The following TRNT1 variants were observed in gnomAD, a reference collection of about 807,000 sequenced individuals.
The protein encoded by TRNT1 is CCA tRNA nucleotidyltransferase 1, mitochondrial.
TRNT1 carries 44 observed loss-of-function variants against 45.6 expected under a neutral mutation model. The observed-to-expected ratio is 0.97, with a 90% CI of 0.76 to 1.24. The LOEUF is 1.24. Ranked by LOEUF, TRNT1 falls within the 50% of genes most tolerant of loss-of-function variation. The pLI, the probability that TRNT1 is intolerant of heterozygous loss-of-function variation, is 0.00. For missense variants in TRNT1, 633 were observed against 504.4 expected, an observed-to-expected ratio of 1.25 and a Z score of -2.44; for synonymous variants, 201 against 171.4, an observed-to-expected ratio of 1.17 and a Z score of -1.35.
At chr3:3,149,605 A>C (rs1168243299), downstream of TRNT1, 2 of 152,136 alleles carry the variant, frequency 1.3e-5, no homozygotes, top group African/African-American at 4.8e-5. Flanking sequence ...CAGTGTAAGA[A>C]CTATAGGAAC....
At chr3:3,129,379 C>T (rs1704854151) in intron 2 of TRNT1, 191 bp downstream of exon 2, 1 of 547,418 alleles carries the variant, frequency 1.8e-6, no homozygotes, top group African/African-American at 1.9e-5. Context: ...CTTGGCCTCC[C>T]AAAATGCTGG....
intron 4 of TRNT1, among the ~76,000 whole-genome samples, chr3:3,141,725 C>T (rs770308792): frequency 3.3e-5 from 5 of 152,156 alleles, no homozygotes; most frequent in Admixed American, 3.3e-4. Flanking sequence ...ATCCACTGTT[C>T]ATAACCTAGT....
chr3:3,153,114 G>T, downstream of TRNT1: 1 of 330,010 alleles, frequency 3.0e-6, no homozygotes, highest in Non-Finnish European at 5.7e-6. Flanking sequence ...AATTTCTGAA[G>T]CATCTATGTT....
downstream of TRNT1, chr3:3,153,269 G>A (rs1706713007): frequency 5.1e-6 from 3 of 588,728 alleles, no homozygotes; most frequent in Admixed American, 2.9e-5. Flanking sequence ...CAATCTGGAA[G>A]ATGGTCTTAG....
At chr3:3,133,879 G>A (rs572258903) in intron 2 of TRNT1, among the ~76,000 whole-genome samples, 1 of 152,040 alleles carries the variant, frequency 6.6e-6, no homozygotes, top group African/African-American at 2.4e-5. Flanking sequence ...CCCCACCCCA[G>A]CCTCCAGTCG....
At chr3:3,147,416 T>TAAAACAGGTGA (rs780758268) in intron 6 of TRNT1, 34 bp from the exon 7 acceptor site, 5 of 1,605,204 alleles carry the variant, frequency 3.1e-6, no homozygotes, top group Non-Finnish European at 3.4e-6. Flanking sequence ...TTATCCCCAC[T>TAAAACAGGTGA]AAAAACAGGT....
intron 2 of TRNT1, chr3:3,129,536 A>C: frequency 7.2e-6 from 3 of 414,396 alleles, no homozygotes; most frequent in Non-Finnish European, 1.3e-5. Flanking sequence ...GCAGTGAGCT[A>C]TGATCATGCC....
In TRNT1 at chr3:3,146,762, G is replaced by T. The variant is rs146598108; in HGVS notation, c.802+139G>T. ...TATTTTAAAATAAGACAAAGTTTGG[G>T]TTATGGGGTAAGTTTTGTCGTGAGT... On this transcript the variant is annotated intron_variant, in intron 6 of 7. Transcript: ENST00000251607. 0.012 allele frequency: 9,684 copies of T among 824,222 alleles called. 148 individuals carry two copies. Among genetic ancestry groups the T allele is most frequent in the South Asian group, 0.024 (1,229 of 51,980 alleles). The allele number at this position is 824,222 out of a possible 1,614,324, so 51.1% of individuals were successfully genotyped here.
At chr3:3,137,932 C>T (rs531220473) in intron 3 of TRNT1, among the ~76,000 whole-genome samples, 1 of 152,116 alleles carries the variant, frequency 6.6e-6, no homozygotes, top group Non-Finnish European at 1.5e-5. Flanking sequence ...TTTAAATTTT[C>T]CTGCAGTTAA....
At chr3:3,129,400 G>A in intron 2 of TRNT1, 1 of 499,958 alleles carries the variant, frequency 2.0e-6, no homozygotes, top group Non-Finnish European at 3.6e-6. Flanking sequence ...GATTACAGGT[G>A]TGAGCCACGG....
At chr3:3,136,259 C>T (rs1559219564) in intron 2 of TRNT1, among the ~76,000 whole-genome samples, 1 of 152,124 alleles carries the variant, frequency 6.6e-6, no homozygotes, top group Non-Finnish European at 1.5e-5. Context: ...CCACAGACCC[C>T]AGGGCCTAAT....
downstream of TRNT1, chr3:3,149,596 A>C (rs1706336095): frequency 6.6e-6 from 1 of 152,154 alleles, no homozygotes; most frequent in South Asian, 2.1e-4. Context: ...GTTTTAGTGC[A>C]GTGTAAGAAC....
At chr3:3,151,185 C>T (rs567918415), downstream of TRNT1, 309 of 857,458 alleles carry the variant, frequency 3.6e-4, no homozygotes, top group Non-Finnish European at 5.3e-4. Context: ...CCATACAGTT[C>T]CCTGAAACCT....
chr3:3,135,168 T>C (rs1402984606), intron 2 of TRNT1, among the ~76,000 whole-genome samples: 1 of 152,136 alleles, frequency 6.6e-6, no homozygotes, highest in Non-Finnish European at 1.5e-5. Context: ...GGCTAAGAAG[T>C]GTGACAGCCA....
chr3:3,147,027 T>C (rs1706079702), intron 6 of TRNT1, among the ~76,000 whole-genome samples: 1 of 152,214 alleles, frequency 6.6e-6, no homozygotes, highest in African/African-American at 2.4e-5. Flanking sequence ...TCAGTAAACG[T>C]TGTAATTCAT....
At position 3,145,883 on chromosome 3, in the gene TRNT1, G is replaced by A. The variant is rs1705979359; in HGVS notation, c.609-547G>A. Among the ~76,000 whole-genome samples, 3 of 151,770 alleles carry A rather than the reference G, an allele frequency of 2.0e-5. 1 individual carries two copies. The South Asian group carries it at 6.2e-4, about 32-fold the overall frequency. ...CATTAGAATTTTAAGGGCATGAGAGGGAAACACATGCACGTTAGGGCTTCC... is the reference window on the plus strand; with the variant it reads ...CATTAGAATTTTAAGGGCATGAGAGAGAAACACATGCACGTTAGGGCTTCC... On this transcript the variant is annotated intron_variant, in intron 5 of 7. Transcript: ENST00000251607.
At chr3:3,150,336 TAAAG>T (rs989929414), downstream of TRNT1, 3 of 152,328 alleles carry the variant, frequency 2.0e-5, no homozygotes, top group Non-Finnish European at 2.9e-5. Context: ...TCAGAGAAGT[TAAAG>T]AAAATGGAAA....
In TRNT1 at chr3:3,147,712, A is replaced by G; in HGVS notation, c.1056+9A>G. On this transcript the variant is annotated intron_variant, in intron 7 of 7. Transcript: ENST00000251607. ...AAGACTTCATTATAGATGTAAGTAT[A>G]TACTAGGCTTGGTCAGAAATATGAA... 6.3e-7 allele frequency: 1 copy of G among 1,592,830 alleles called. No homozygotes were observed. Among genetic ancestry groups the G allele is most frequent in the Admixed American group, 1.8e-5 (1 of 55,580 alleles).
intron 5 of TRNT1, chr3:3,145,508 A>C (rs1252017574): frequency 6.6e-6 from 1 of 151,362 alleles, no homozygotes; most frequent in African/African-American, 2.4e-5. Flanking sequence ...ATCTCAAAAA[A>C]AAAAAAAAAA....
Sources: allele counts gnomAD v4.1 joint callset (sites outside exome capture counted in the v4.1 genomes callset), GRCh38; gene constraint gnomAD v4.1.1; transcripts MANE v1.5; gene names NCBI Gene and HGNC (gene_info 2026-07-23, HGNC 2026-07-21).